The following GFRA2 variants were observed in gnomAD, a reference collection of about 807,000 sequenced individuals.
The protein encoded by GFRA2 is GDNF family receptor alpha-2.
A neutral mutation model predicts 48.3 loss-of-function variants in GFRA2; 17 were observed. That is an observed-to-expected ratio of 0.35 (90% CI 0.24 to 0.53). The LOEUF is 0.53. GFRA2 is among the 20% of genes least tolerant of loss of function. The probability of loss-of-function intolerance (pLI) is 0.93; values close to 1 mark genes in which losing one functional copy is unlikely to be tolerated. For synonymous variants in GFRA2, 305 were observed against 257.2 expected (o/e 1.19, Z -1.78); for missense variants, 660 against 637.3 (o/e 1.04, Z -0.38).
chr8:21,729,766 C>T (rs1395864420), intron 4 of GFRA2, among the ~76,000 whole-genome samples: 1 of 152,164 alleles, frequency 6.6e-6, no homozygotes, highest in Non-Finnish European at 1.5e-5. Flanking sequence ...CCCACCGCCA[C>T]CCCCAAAGGG....
At chr8:21,711,034 G>T (rs1245927649) in intron 4 of GFRA2, among the ~76,000 whole-genome samples, 1 of 152,142 alleles carries the variant, frequency 6.6e-6, no homozygotes, top group Non-Finnish European at 1.5e-5. Context: ...TGAAGCCCTG[G>T]ACACTGTCCC....
At chr8:21,722,997 G>T (rs758009505) in intron 4 of GFRA2, among the ~76,000 whole-genome samples, 1 of 152,190 alleles carries the variant, frequency 6.6e-6, no homozygotes, top group African/African-American at 2.4e-5. Context: ...CCAGGGAGAG[G>T]AGGCAGTCAC....
chr8:21,795,047 C>A (rs1249780334), intron 2 of GFRA2, among the ~76,000 whole-genome samples: 1 of 152,210 alleles, frequency 6.6e-6, no homozygotes, highest in Non-Finnish European at 1.5e-5. Flanking sequence ...CCCAGGGCCT[C>A]GCAGACCTCT....
At position 21,749,604 on chromosome 8, in the gene GFRA2, T is replaced by C. The variant is rs150203069; in HGVS notation, c.794+984A>G. Among the ~76,000 whole-genome samples, 4 of 152,196 alleles carry C rather than the reference T, an allele frequency of 2.6e-5. No individual in the cohort carries two copies. In the East Asian group the frequency reaches 7.8e-4, roughly 30 times the overall value. ...CGTTTTATGAGAGCACCTTTCCTGATAGCCACGTGACCTACGTTGGGATAT... is the reference window on the plus strand; with the variant it reads ...CGTTTTATGAGAGCACCTTTCCTGACAGCCACGTGACCTACGTTGGGATAT... On this transcript the variant is annotated intron_variant, in intron 4 of 8. Coordinates refer to ENST00000524240, the MANE Select transcript of GFRA2 (RefSeq NM_001495.5).
chr8:21,705,009 C>T lies in GFRA2; in HGVS notation c.1021G>A (p.Asp341Asn), dbSNP rs200356588. 9.7e-5 allele frequency: 157 copies of T among 1,610,504 alleles called. No homozygotes were observed. Among genetic ancestry groups the T allele is most frequent in the Admixed American group, 3.8e-4 (23 of 59,816 alleles). Reference protein sequence around the residue: ...MEEECEKFLRDFTENPCLRNA... With the variant: ...MEEECEKFLRNFTENPCLRNA... Reference sequence around the variant, plus strand: ...CGGAGGCATGGGTTCTCGGTGAAGTCCCTGAGGAACTTCTCACACTCCTCC... The same window carrying T: ...CGGAGGCATGGGTTCTCGGTGAAGTTCCTGAGGAACTTCTCACACTCCTCC... Residue 341 changes from aspartate (D) to asparagine (N), a missense_variant, in exon 6 of 9, where the codon GAC (aspartate) becomes AAC (asparagine). Coordinates refer to ENST00000524240, the MANE Select transcript of GFRA2 (RefSeq NM_001495.5).
intron 7 of GFRA2, among the ~76,000 whole-genome samples, chr8:21,701,494 T>C (rs1405082713): frequency 1.3e-5 from 2 of 152,178 alleles, no homozygotes; most frequent in East Asian, 1.9e-4. Context: ...GTGGTAGAGG[T>C]TGGACCCCTT....
At chr8:21,796,976 A>G (rs947296439) in intron 2 of GFRA2, among the ~76,000 whole-genome samples, 2 of 152,122 alleles carry the variant, frequency 1.3e-5, no homozygotes, top group African/African-American at 2.4e-5. Flanking sequence ...TATCTCTCAC[A>G]TGGGAAGATG....
chr8:21,781,716 A>G (rs894068075), intron 2 of GFRA2, among the ~76,000 whole-genome samples: 1 of 152,012 alleles, frequency 6.6e-6, no homozygotes, highest in Admixed American at 6.6e-5. Context: ...AACTGTTCCT[A>G]CAACACCTAG....
chr8:21,805,636 C>T (rs1807846755), intron 1 of GFRA2, among the ~76,000 whole-genome samples: 1 of 152,278 alleles, frequency 6.6e-6, no homozygotes, highest in East Asian at 1.9e-4. Context: ...CAAACTAGGG[C>T]TGGGAGTCGT....
chr8:21,705,188 C>T (rs1802681260), intron 5 of GFRA2, 63 bp from the exon 6 acceptor site: 16 of 1,528,620 alleles, frequency 1.0e-5, no homozygotes, highest in Admixed American at 1.9e-5. Context: ...CTTGGGCCCA[C>T]AGACCAACCC....
intron 4 of GFRA2, among the ~76,000 whole-genome samples, chr8:21,743,998 T>C (rs1337853418): frequency 6.6e-6 from 1 of 152,208 alleles, no homozygotes; most frequent in East Asian, 1.9e-4. Flanking sequence ...AGTGAAGGCT[T>C]GGAAGCACCA....
At chr8:21,709,927 T>A (rs1802933364) in intron 4 of GFRA2, among the ~76,000 whole-genome samples, 1 of 152,028 alleles carries the variant, frequency 6.6e-6, no homozygotes, top group Non-Finnish European at 1.5e-5. Flanking sequence ...CTTTGGGAAA[T>A]CCCAAATATT....
chr8:21,759,092 C>T (rs1805739483), intron 3 of GFRA2, among the ~76,000 whole-genome samples: 2 of 152,112 alleles, frequency 1.3e-5, no homozygotes, highest in Non-Finnish European at 2.9e-5. Context: ...AGAGTAAACA[C>T]AAAAATACAT....
chr8:21,759,485 AGAAGGAAGGAAG>A (rs1161834899), intron 3 of GFRA2, among the ~76,000 whole-genome samples: 289 of 71,784 alleles, frequency 4.0e-3, no homozygotes, highest in Middle Eastern at 0.016. Flanking sequence ...AAAGAAGGAA[AGAAGGAAGGAAG>A]GAAGGAAGGA....
chr8:21,801,099 C>G (rs1161571998), intron 2 of GFRA2, among the ~76,000 whole-genome samples: 1 of 152,084 alleles, frequency 6.6e-6, no homozygotes, highest in Non-Finnish European at 1.5e-5. Flanking sequence ...AAACAAATCC[C>G]TGCTGCAGAA....
chr8:21,806,763 G>A (rs1012316943), intron 1 of GFRA2, among the ~76,000 whole-genome samples: 1 of 152,090 alleles, frequency 6.6e-6, no homozygotes, highest in African/African-American at 2.4e-5. Context: ...CACCATTCCT[G>A]GCCTAAATGT....
intron 3 of GFRA2, among the ~76,000 whole-genome samples, chr8:21,771,655 C>A (rs1359871671): frequency 7.9e-5 from 12 of 152,160 alleles, no homozygotes; most frequent in Admixed American, 2.0e-4. Flanking sequence ...GAAGAATACA[C>A]GTTCCAGGAG....
chr8:21,752,665 A>T (rs1410431545), intron 3 of GFRA2, among the ~76,000 whole-genome samples: 1 of 151,904 alleles, frequency 6.6e-6, no homozygotes, highest in Non-Finnish European at 1.5e-5. Flanking sequence ...TGCCAACTCA[A>T]CACCTCTAGC....
chr8:21,807,285 C>G (rs1462796670), intron 1 of GFRA2, among the ~76,000 whole-genome samples: 1 of 152,186 alleles, frequency 6.6e-6, no homozygotes, highest in Non-Finnish European at 1.5e-5. Context: ...GTTCGGCCAC[C>G]TCTTGCTGTC....
Sources: allele counts gnomAD v4.1 joint callset (sites outside exome capture counted in the v4.1 genomes callset), GRCh38; gene constraint gnomAD v4.1.1; transcripts MANE v1.5; gene names NCBI Gene and HGNC (gene_info 2026-07-23, HGNC 2026-07-21).